Variants in MAP4K4 observed in about 807,000 individuals in gnomAD.
The protein encoded by MAP4K4 is mitogen-activated protein kinase kinase kinase kinase 4.
Under a neutral mutation model 189.6 loss-of-function variants are expected in MAP4K4, and 38 were observed. The ratio of observed to expected loss-of-function variants is 0.20; its 90% confidence interval spans 0.15 to 0.26. The LOEUF is 0.26. Among genes scored for constraint, MAP4K4 ranks in the 10% least tolerant of loss-of-function variants. The probability of loss-of-function intolerance (pLI) is 1.00; values close to 1 mark genes in which losing one functional copy is unlikely to be tolerated. For synonymous variants in MAP4K4, 610 were observed against 624.3 expected (o/e 0.98, Z 0.34); for missense variants, 1,054 against 1,726.9 (o/e 0.61, Z 6.91).
At chr2:101,860,729 A>G (rs888968158) in intron 15 of MAP4K4, 96 bp from the exon 16 acceptor site, 2 of 1,077,120 alleles carry the variant, frequency 1.9e-6, no homozygotes, top group South Asian at 1.8e-5. Context: ...AAAACAGAAA[A>G]CTTACCTTTA....
chr2:101,776,369 C>T (rs2084097319), intron 2 of MAP4K4, among the ~76,000 whole-genome samples: 1 of 152,062 alleles, frequency 6.6e-6, no homozygotes, highest in Admixed American at 6.6e-5. Context: ...AGCGATAAGG[C>T]CTGTAGGGAC....
At chr2:101,749,271 T>C (rs1360580698) in intron 2 of MAP4K4, among the ~76,000 whole-genome samples, 1 of 151,570 alleles carries the variant, frequency 6.6e-6, no homozygotes, top group Non-Finnish European at 1.5e-5. Flanking sequence ...ACTACAAGGC[T>C]ACAGTAACCA....
At chr2:101,885,398 T>A in intron 29 of MAP4K4, 111 bp downstream of exon 29, 1 of 620,050 alleles carries the variant, frequency 1.6e-6, no homozygotes, top group Non-Finnish European at 2.8e-6. Flanking sequence ...ATAAAAGCTA[T>A]GTGCTAATAT....
At chr2:101,840,601 G>A (rs1342496358) in intron 10 of MAP4K4, among the ~76,000 whole-genome samples, 1 of 152,176 alleles carries the variant, frequency 6.6e-6, no homozygotes, top group African/African-American at 2.4e-5. Context: ...CTTCTGTCCA[G>A]CGAGGTGCAG....
At chr2:101,792,591 CCTCCTT>C (rs1389398744) in intron 3 of MAP4K4, among the ~76,000 whole-genome samples, 1 of 125,618 alleles carries the variant, frequency 8.0e-6, no homozygotes, top group Non-Finnish European at 1.8e-5. Flanking sequence ...GCCACCTTCT[CCTCCTT>C]CTCCTCCTCC....
At chr2:101,785,640 A>G (rs1016118042) in intron 2 of MAP4K4, among the ~76,000 whole-genome samples, 1 of 150,124 alleles carries the variant, frequency 6.7e-6, no homozygotes, top group Admixed American at 6.6e-5. Context: ...ATTTGAGAAG[A>G]TAGGAACATT....
At chr2:101,702,775 A>G (rs2039699581) in intron 2 of MAP4K4, among the ~76,000 whole-genome samples, 1 of 152,156 alleles carries the variant, frequency 6.6e-6, no homozygotes, top group Admixed American at 6.5e-5. Flanking sequence ...TCATTGGAGG[A>G]AGGGTACAAT....
chr2:101,830,268 AC>A (rs1317454509), intron 6 of MAP4K4, among the ~76,000 whole-genome samples: 3 of 152,114 alleles, frequency 2.0e-5, no homozygotes, highest in Non-Finnish European at 4.4e-5. Flanking sequence ...ATAGTGTATT[AC>A]CCAGCATCTA....
intron 3 of MAP4K4, among the ~76,000 whole-genome samples, chr2:101,805,798 C>T (rs1416102512): frequency 1.3e-5 from 2 of 152,212 alleles, no homozygotes; most frequent in Non-Finnish European, 2.9e-5. Context: ...TTGGCTTACA[C>T]AGCTTTCCCA....
At chr2:101,890,034 GT>G (rs2098543111) in intron 32 of MAP4K4, among the ~76,000 whole-genome samples, 1 of 152,092 alleles carries the variant, frequency 6.6e-6, no homozygotes, top group African/African-American at 2.4e-5. Context: ...ACTTTCCTAA[GT>G]ATGTTTACCA....
At chr2:101,714,070 A>T (rs2047114218) in intron 2 of MAP4K4, among the ~76,000 whole-genome samples, 1 of 152,138 alleles carries the variant, frequency 6.6e-6, no homozygotes. Flanking sequence ...CTCAAATCCA[A>T]TCCAGAGAGC....
exon 33 of MAP4K4, chr2:101,894,662 T>C (rs2098603186): frequency 6.6e-6 from 1 of 152,414 alleles, no homozygotes; most frequent in South Asian, 2.1e-4. Context: ...CCACCCTTTT[T>C]TCCTTAAATA....
At chr2:101,777,550 A>G (rs553673899) in intron 2 of MAP4K4, among the ~76,000 whole-genome samples, 2 of 152,330 alleles carry the variant, frequency 1.3e-5, no homozygotes, top group Admixed American at 1.3e-4. Flanking sequence ...CTCTCTACCC[A>G]AATGACAAGG....
At chr2:101,855,890 A>G in intron 12 of MAP4K4, 87 bp from the exon 13 acceptor site, 2 of 1,324,246 alleles carry the variant, frequency 1.5e-6, no homozygotes, top group South Asian at 3.0e-5. Context: ...ATTAGTGTCC[A>G]CCTGGCACTG....
intron 2 of MAP4K4, among the ~76,000 whole-genome samples, chr2:101,711,195 G>C (rs905257879): frequency 6.6e-6 from 1 of 152,180 alleles, no homozygotes; most frequent in Non-Finnish European, 1.5e-5. Flanking sequence ...GGGCTGAAAG[G>C]GACCTCTGTA....
chr2:101,841,761 C>G (rs1278980915), intron 10 of MAP4K4, among the ~76,000 whole-genome samples: 1 of 152,088 alleles, frequency 6.6e-6, no homozygotes, highest in Non-Finnish European at 1.5e-5. Context: ...GCCACCACAC[C>G]CAGCCTGATT....
exon 17 of MAP4K4, chr2:101,863,928 T>G (rs1259101010): frequency 7.3e-7 from 1 of 1,367,728 alleles, no homozygotes; most frequent in African/African-American, 1.5e-5. Flanking sequence ...ATCTTCGTTC[T>G]CAGGACCCAT....
intron 6 of MAP4K4, among the ~76,000 whole-genome samples, chr2:101,830,043 C>G (rs985406132): frequency 6.6e-6 from 1 of 151,894 alleles, no homozygotes; most frequent in African/African-American, 2.4e-5. Context: ...TGCCTTTGGG[C>G]CTTTGCATGA....
At chr2:101,815,579 G>A (rs995220709) in intron 3 of MAP4K4, among the ~76,000 whole-genome samples, 3 of 151,990 alleles carry the variant, frequency 2.0e-5, no homozygotes, top group Non-Finnish European at 2.9e-5. Flanking sequence ...GTAATTTTTA[G>A]TTAGATTCCA....
Sources: gnomAD v4.1 joint callset for allele counts (sites outside exome capture counted in the v4.1 genomes callset) on GRCh38, gnomAD v4.1.1 for gene constraint, MANE v1.5 for transcripts, NCBI Gene and HGNC (gene_info 2026-07-23, HGNC 2026-07-21) for gene names.